MINDY1: variants seen among roughly 807,000 people sequenced by gnomAD.
MINDY1 encodes ubiquitin carboxyl-terminal hydrolase MINDY-1.
MINDY1 carries 50 observed loss-of-function variants against 53.6 expected under a neutral mutation model. That is an observed-to-expected ratio of 0.93 (90% CI 0.74 to 1.18). The LOEUF (loss-of-function observed/expected upper bound fraction) is 1.18, where lower values mean the gene tolerates loss of function less well. Among genes scored for constraint, MINDY1 ranks in the 50% most tolerant of loss-of-function variants. The probability of loss-of-function intolerance (pLI) is 0.00; values close to 1 mark genes in which losing one functional copy is unlikely to be tolerated. For synonymous variants in MINDY1, 231 were observed against 234.7 expected (o/e 0.98, Z 0.14); for missense variants, 484 against 578.6 (o/e 0.84, Z 1.68).
Position 150,998,776 on chromosome 1 carries a change from G to A in MINDY1, c.982-503C>T, listed in dbSNP as rs75990014. On this transcript the variant is annotated intron_variant, in intron 7 of 9. Coordinates refer to ENST00000683666, the MANE Select transcript of MINDY1 (RefSeq NM_001376665.1). Reference sequence around the variant, plus strand: ...TTCTGGCTAAGCGTGGCATGGAGTCGTTGGGGCTGAGATGCCACATAAGAC... The same window carrying A: ...TTCTGGCTAAGCGTGGCATGGAGTCATTGGGGCTGAGATGCCACATAAGAC... Among the ~76,000 whole-genome samples, 73 of 152,274 alleles carry A rather than the reference G, an allele frequency of 4.8e-4. 1 individual carries two copies. In the East Asian group the frequency reaches 0.013, roughly 27 times the overall value.
At chr1:151,001,091 C>A (rs1430774396) in intron 4 of MINDY1, among the ~76,000 whole-genome samples, 159 bp downstream of exon 4, 1 of 152,134 alleles carries the variant, frequency 6.6e-6, no homozygotes, top group Non-Finnish European at 1.5e-5. Context: ...GGCCAATGAA[C>A]ATATTTTCTA....
chr1:151,003,128 C>A (rs1309690159), intron 1 of MINDY1, among the ~76,000 whole-genome samples: 1 of 152,146 alleles, frequency 6.6e-6, no homozygotes, highest in East Asian at 1.9e-4. Flanking sequence ...ACATCAGTAA[C>A]CCCCTCATAG....
intron 8 of MINDY1, 61 bp downstream of exon 8, chr1:150,998,021 G>T: frequency 1.3e-6 from 2 of 1,503,262 alleles, no homozygotes; most frequent in Non-Finnish European, 8.9e-7. Flanking sequence ...TAAAATGTAT[G>T]CAGTAAAAAG....
At chr1:151,000,679 G>A (rs1672457211) in intron 4 of MINDY1, 64 bp from the exon 5 acceptor site, 1 of 1,515,282 alleles carries the variant, frequency 6.6e-7, no homozygotes. Context: ...ACTCCCACCT[G>A]CAGAAATTAA....
rs1671890453 is a variant in MINDY1, at chr1:150,996,909, T to C, written c.*378A>G. ...AGAGATAGAAACCCAAATTAAGCTCTGAAACAACTGGAGACAGGCCTGCCT... is the reference window on the plus strand; with the variant it reads ...AGAGATAGAAACCCAAATTAAGCTCCGAAACAACTGGAGACAGGCCTGCCT... On this transcript the variant is annotated 3_prime_UTR_variant, in exon 10 of 10. Coordinates refer to ENST00000683666, the MANE Select transcript of MINDY1 (RefSeq NM_001376665.1). 1 of 214,800 alleles carries C rather than the reference T, an allele frequency of 4.7e-6. No individual in the cohort carries two copies. The highest frequency in any genetic ancestry group is 1.1e-4 in the East Asian group (1 of 9,248). The allele number at this position is 214,800 out of a possible 1,614,324, so 13.3% of individuals were successfully genotyped here.
At chr1:151,003,991 C>T (rs1248576210) in intron 1 of MINDY1, among the ~76,000 whole-genome samples, 2 of 152,066 alleles carry the variant, frequency 1.3e-5, no homozygotes, top group African/African-American at 2.4e-5. Context: ...GGTGCGACCT[C>T]GGCTCACTGC....
At chr1:151,007,342 A>T (rs1349186015), upstream of MINDY1, among the ~76,000 whole-genome samples, 1 of 152,196 alleles carries the variant, frequency 6.6e-6, no homozygotes, top group Admixed American at 6.5e-5. Context: ...CATCTCTACT[A>T]AAAATACAAA....
chr1:150,997,261 C>T lies in MINDY1; in HGVS notation c.*26G>A, dbSNP rs1312474127. 3.2e-6 allele frequency: 5 copies of T among 1,566,774 alleles called. No homozygotes were observed. The highest frequency in any genetic ancestry group is 4.3e-6 in the Non-Finnish European group (5 of 1,154,040). On this transcript the variant is annotated 3_prime_UTR_variant, in exon 10 of 10. Transcript: ENST00000683666. Reference sequence around the variant, plus strand: ...TAGCCATAGCCTCTGGAAGAAGGGGCAGGCCAGCCTGGCACTGGGGCAGAG... The same window carrying T: ...TAGCCATAGCCTCTGGAAGAAGGGGTAGGCCAGCCTGGCACTGGGGCAGAG...
In MINDY1 at chr1:150,997,358, C is replaced by CG; in HGVS notation, c.1338_1339insC (p.Ala447ArgfsTer56). Reference sequence around the variant, plus strand: ...TCCCCGGCTGGGCGTCCAGATGTGGCTCCTCTCCCCTGTATCGGATTTAAC... The same window carrying CG: ...TCCCCGGCTGGGCGTCCAGATGTGGCGTCCTCTCCCCTGTATCGGATTTAAC... On this transcript the variant is annotated frameshift_variant, in exon 10 of 10. Coordinates refer to ENST00000683666, the MANE Select transcript of MINDY1 (RefSeq NM_001376665.1). LOFTEE classifies it high-confidence loss of function. 6.2e-7 allele frequency: 1 copy of CG among 1,600,212 alleles called. No homozygotes were observed. The highest frequency in any genetic ancestry group is 8.5e-7 in the Non-Finnish European group (1 of 1,172,166).
chr1:150,999,569 A>C lies in MINDY1; in HGVS notation c.839-58T>G. On this transcript the variant is annotated intron_variant, in intron 6 of 9. Transcript: ENST00000683666. This position sits in a 1 kb window ranked among gnomAD's most constrained non-coding sequence, Gnocchi z 4.4. The stretch of plus-strand genomic sequence containing the variant: ...GCTTAAATTCAAGGTCCACAACAGG[A>C]AGGACCATCCAGAGAGCCCCTGTCA... 6.2e-7 allele frequency: 1 copy of C among 1,602,674 alleles called. No individual in the cohort carries two copies. Among genetic ancestry groups the C allele is most frequent in the Non-Finnish European group, 8.5e-7 (1 of 1,175,712 alleles).
chr1:151,000,088 T>G lies in MINDY1; in HGVS notation c.736-124A>C, dbSNP rs1672372526. On this transcript the variant is annotated intron_variant, in intron 5 of 9. Coordinates refer to ENST00000683666, the MANE Select transcript of MINDY1 (RefSeq NM_001376665.1). Reference sequence around the variant, plus strand: ...TGATGAATGGTTCCTAAACACTTTTTTTTTTTGGTCTCTCAAAAAAGAAAA... The same window carrying G: ...TGATGAATGGTTCCTAAACACTTTTGTTTTTTGGTCTCTCAAAAAAGAAAA... 7.4e-6 allele frequency: 5 copies of G among 674,720 alleles called. No individual in the cohort carries two copies. In the Middle Eastern group the frequency reaches 2.0e-3, roughly 266 times the overall value. 41.8% of individuals were successfully genotyped at this position (674,720 alleles called of 1,614,324 possible). A position where few individuals can be genotyped will look rare whatever the true frequency, so the allele number is the denominator to read the frequency against.
At chr1:150,997,459 G>T in intron 9 of MINDY1, 92 bp from the exon 10 acceptor site, 1 of 1,539,264 alleles carries the variant, frequency 6.5e-7, no homozygotes, top group Non-Finnish European at 8.8e-7. Context: ...GGGACAGAGA[G>T]TAGGGAGAGG....
rs143579361 is a variant in MINDY1 at position 150,998,204 on chromosome 1, G to A, written c.1051C>T (p.His351Tyr). The part of the protein sequence containing the change: ...QEEQVVWESL[H>Y]NVDGDSCFCD... Reference sequence around the variant, plus strand: ...AAGCAGCTGTCTCCATCCACATTGTGCAGGCTCTCCCATACGACTTGCTCC... The same window carrying A: ...AAGCAGCTGTCTCCATCCACATTGTACAGGCTCTCCCATACGACTTGCTCC... The change falls in exon 8 of 10, where the codon CAC (histidine) becomes TAC (tyrosine). Residue 351 changes from histidine to tyrosine, a missense_variant. His to Tyr is a moderately conservative substitution (Grantham distance 83). Coordinates refer to ENST00000683666, the MANE Select transcript of MINDY1 (RefSeq NM_001376665.1). 3,365 of 1,614,198 alleles carry A rather than the reference G, an allele frequency of 2.1e-3. 10 individuals are homozygous for A. Among genetic ancestry groups the A allele is most frequent in the Non-Finnish European group, 2.7e-3 (3,180 of 1,180,048 alleles).
Position 151,006,341 on chromosome 1 carries a change from GAGA to G in MINDY1, c.-122_-120del, listed in dbSNP as rs1673200438. 2 of 1,409,034 alleles carry G rather than the reference GAGA, an allele frequency of 1.4e-6. No individual in the cohort carries two copies. The allele number at this position is 1,409,034 out of a possible 1,614,324, so 87.3% of individuals were successfully genotyped here. A position where few individuals can be genotyped will look rare whatever the true frequency, so the allele number is the denominator to read the frequency against. ...AAGAAGGGGGTGCTGTTCCAAGATT[GAGA>G]AGGAGGGTTCAGCCGTGGCAATGAG... On this transcript the variant is annotated 5_prime_UTR_variant, in exon 1 of 10. Coordinates refer to ENST00000683666, the MANE Select transcript of MINDY1 (RefSeq NM_001376665.1).
chr1:151,000,681 A>C, intron 4 of MINDY1, 66 bp from the exon 5 acceptor site: 1 of 1,518,990 alleles, frequency 6.6e-7, no homozygotes. Context: ...TCCCACCTGC[A>C]GAAATTAAAA....
Position 150,999,840 on chromosome 1 carries a change from A to C in MINDY1, c.838+22T>G. The C allele has an allele frequency of 6.2e-7, 1 of 1,600,654 alleles. No homozygotes were observed. Among genetic ancestry groups the C allele is most frequent in the East Asian group, 2.2e-5 (1 of 44,824 alleles). On this transcript the variant is annotated intron_variant, in intron 6 of 9. Coordinates refer to ENST00000683666, the MANE Select transcript of MINDY1 (RefSeq NM_001376665.1). This position sits in a 1 kb window ranked among gnomAD's most constrained non-coding sequence, Gnocchi z 4.4. The stretch of plus-strand genomic sequence containing the variant: ...CTGTCATTCCCTCCACATACTATCC[A>C]TGAGAAGGGGAGGAATGTCACCTTC...
intron 8 of MINDY1, 83 bp from the exon 9 acceptor site, chr1:150,997,862 A>G (rs1398870294): frequency 7.0e-7 from 1 of 1,421,182 alleles, no homozygotes; most frequent in African/African-American, 1.4e-5. Context: ...GTTTTCCCAC[A>G]TCCCTCAAAT....
Position 150,999,788 on chromosome 1 carries a change from C to A in MINDY1, c.838+74G>T. ...TCTAGTGGGATGTGGTAGGAGATGA[C>A]ACCCAATAAAAAATAAGCCTAAGTA... is the stretch of plus-strand genomic sequence containing the variant. On this transcript the variant is annotated intron_variant, in intron 6 of 9. Coordinates refer to ENST00000683666, the MANE Select transcript of MINDY1 (RefSeq NM_001376665.1). This position sits in a 1 kb window ranked among gnomAD's most constrained non-coding sequence, Gnocchi z 4.4. The A allele has an allele frequency of 7.6e-7, 1 of 1,322,270 alleles. No individual in the cohort carries two copies. The highest frequency in any genetic ancestry group is 1.1e-6 in the Non-Finnish European group (1 of 928,000). 81.9% of individuals were successfully genotyped at this position (1,322,270 alleles called of 1,614,324 possible).
chr1:151,000,972 T>TA (rs1401198041), intron 4 of MINDY1, among the ~76,000 whole-genome samples: 1 of 152,022 alleles, frequency 6.6e-6, no homozygotes, highest in Non-Finnish European at 1.5e-5. Flanking sequence ...TGGTTTTTTT[T>TA]AGAGACAGGG....
Sources: gnomAD v4.1 joint callset for allele counts (sites outside exome capture counted in the v4.1 genomes callset) on GRCh38, gnomAD v4.1.1 for gene constraint, Gnocchi (gnomAD v3.1) non-coding constraint, MANE v1.5 for transcripts, NCBI Gene and HGNC (gene_info 2026-07-23, HGNC 2026-07-21) for gene names.